PLXNA4: variants seen among roughly 807,000 people sequenced by gnomAD.
PLXNA4 encodes the protein plexin-A4.
Under a neutral mutation model 191.8 loss-of-function variants are expected in PLXNA4, and 44 were observed. The observed-to-expected ratio is 0.23, with a 90% CI of 0.18 to 0.29. PLXNA4 has a LOEUF of 0.29. PLXNA4 is among the 10% of genes least tolerant of loss of function. The pLI is 1.00. For synonymous variants in PLXNA4, 1,082 were observed against 1,009.5 expected, an observed-to-expected ratio of 1.07 and a Z score of -1.36; for missense variants, 1,800 against 2,488.8, an observed-to-expected ratio of 0.72 and a Z score of 5.89.
intron 4 of PLXNA4, among the ~76,000 whole-genome samples, chr7:132,288,752 G>GC (rs1386837290): frequency 6.6e-6 from 1 of 152,170 alleles, no homozygotes; most frequent in Non-Finnish European, 1.5e-5. Context: ...CATGAGACAT[G>GC]CCCACAGACA....
intron 10 of PLXNA4, among the ~76,000 whole-genome samples, chr7:132,205,494 T>C (rs1797586296): frequency 6.6e-6 from 1 of 152,050 alleles, no homozygotes; most frequent in Non-Finnish European, 1.5e-5. Flanking sequence ...TCCTTGTGTG[T>C]GTTTGTGTGT....
chr7:132,507,695 G>T lies in PLXNA4; in HGVS notation c.999C>A (p.Asp333Glu), dbSNP rs1168273467. The T allele has an allele frequency of 1.2e-6, 2 of 1,614,172 alleles. No homozygotes were observed. Among genetic ancestry groups the T allele is most frequent in the South Asian group, 1.1e-5 (1 of 91,084 alleles). The change falls in exon 2 of 32, where the codon GAC becomes GAA. Residue 333 changes from aspartate to glutamate, a missense_variant. By Grantham distance (45) the Asp-to-Glu change is conservative. Coordinates refer to ENST00000321063, the MANE Select transcript of PLXNA4 (RefSeq NM_020911.2). ...CCTTGGAGAAGACGGTGAAGAGCAG[G>T]TCATCATCTGGATGGACTCCAAGGG... ...GRTLGVHPDD[D>E]LLFTVFSKGQ...
At chr7:132,564,104 TCCTTCTCC>T (rs1801583540) in intron 1 of PLXNA4, among the ~76,000 whole-genome samples, 1 of 129,630 alleles carries the variant, frequency 7.7e-6, no homozygotes, top group African/African-American at 3.1e-5. Flanking sequence ...CTCCTCCTCC[TCCTTCTCC>T]TCCTCCTCTT....
At chr7:132,419,160 C>A (rs1016686512) in intron 3 of PLXNA4, among the ~76,000 whole-genome samples, 1 of 152,152 alleles carries the variant, frequency 6.6e-6, no homozygotes, top group Non-Finnish European at 1.5e-5. Context: ...AAAATGGAAA[C>A]CTTCCTCTTT....
chr7:132,169,796 T>G lies in PLXNA4; in HGVS notation c.4018-1224A>C, dbSNP rs960581745. ...ATGGGCATGTTCACTTGGGGAAAAG[T>G]CATCGAGCTGCACGCTGACAATTTG... is the stretch of plus-strand genomic sequence containing the variant. On this transcript the variant is annotated intron_variant, in intron 21 of 31. Transcript: ENST00000321063. Among the ~76,000 whole-genome samples, 4 of 151,966 alleles carry G rather than the reference T, an allele frequency of 2.6e-5. No homozygotes were observed. The East Asian group carries it at 7.8e-4, about 29-fold the overall frequency.
intron 14 of PLXNA4, among the ~76,000 whole-genome samples, chr7:132,192,474 A>G (rs1410667625): frequency 2.0e-5 from 3 of 150,636 alleles, no homozygotes; most frequent in Non-Finnish European, 4.4e-5. Flanking sequence ...GGAAGAAAGG[A>G]AGGGAGGGAG....
At chr7:132,495,289 T>A (rs12334013) in intron 2 of PLXNA4, among the ~76,000 whole-genome samples, 1,643 of 152,306 alleles carry the variant, frequency 0.011, 29 homozygotes, top group African/African-American at 0.038. Context: ...CAGAGCTCAA[T>A]GGCCCAAATG....
At chr7:132,144,074 C>T (rs2598197) in intron 29 of PLXNA4, among the ~76,000 whole-genome samples, 3 of 152,094 alleles carry the variant, frequency 2.0e-5, no homozygotes, top group East Asian at 3.9e-4. Flanking sequence ...CAGGGTGCTT[C>T]GCTGAGCCCT....
intron 1 of PLXNA4, among the ~76,000 whole-genome samples, chr7:132,646,804 C>T (rs908174621): frequency 1.3e-5 from 2 of 152,152 alleles, no homozygotes; most frequent in Admixed American, 1.3e-4. Context: ...TCCCAAGCCA[C>T]TGCCAGTTCC....
rs544162245 is a variant in PLXNA4, at chr7:132,364,217, C to G, written c.1372-65995G>C. On this transcript the variant is annotated intron_variant, in intron 3 of 31. Transcript: ENST00000321063. ...AATGGGCAGACATGGTGGGAGGAAG[C>G]CATTCACATTTTGGTTATGACATAC... Among the ~76,000 whole-genome samples, 15 of 152,308 alleles carry G rather than the reference C, an allele frequency of 9.8e-5. No individual in the cohort carries two copies. The South Asian group carries it at 1.7e-3, about 17-fold the overall frequency.
At chr7:132,192,732 G>A (rs1028197578) in intron 14 of PLXNA4, among the ~76,000 whole-genome samples, 1 of 152,148 alleles carries the variant, frequency 6.6e-6, no homozygotes, top group African/African-American at 2.4e-5. Flanking sequence ...AATCTGAGAG[G>A]TTTAGTTTTT....
intron 3 of PLXNA4, among the ~76,000 whole-genome samples, chr7:132,374,653 C>G (rs1266864986): frequency 6.6e-6 from 1 of 152,144 alleles, no homozygotes; most frequent in Non-Finnish European, 1.5e-5. Context: ...CTTGTTGAAC[C>G]CTCGAATGCT....
chr7:132,445,659 C>T (rs1795879696), intron 3 of PLXNA4, among the ~76,000 whole-genome samples: 1 of 152,110 alleles, frequency 6.6e-6, no homozygotes. Flanking sequence ...GGCTTCATTC[C>T]ACAACCAGAC....
chr7:132,630,762 C>T (rs543880039), intron 2 of PLXNA4, among the ~76,000 whole-genome samples: 1 of 152,312 alleles, frequency 6.6e-6, no homozygotes, highest in South Asian at 2.1e-4. Flanking sequence ...CCGCCCACCT[C>T]GGCCTCCCAA....
chr7:132,638,631 G>A (rs867096028), intron 2 of PLXNA4, among the ~76,000 whole-genome samples: 1 of 152,000 alleles, frequency 6.6e-6, no homozygotes, highest in African/African-American at 2.4e-5. Context: ...CAGCCTGGGT[G>A]ACAGAGCAAG....
chr7:132,286,370 A>G (rs1800682802), intron 4 of PLXNA4, among the ~76,000 whole-genome samples: 1 of 152,174 alleles, frequency 6.6e-6, no homozygotes, highest in Non-Finnish European at 1.5e-5. Context: ...GGATGATTAT[A>G]GGTGGTTGTC....
In PLXNA4 at chr7:132,456,097, G is replaced by A. The variant is rs115974176; in HGVS notation, c.1371+33195C>T. On this transcript the variant is annotated intron_variant, in intron 3 of 31. Transcript: ENST00000321063. ...TGGACATGTTTGGGGGTCCCTCTTCGCATCTCCTCTGTTCTTTTTTTTTTT... is the reference window on the plus strand; with the variant it reads ...TGGACATGTTTGGGGGTCCCTCTTCACATCTCCTCTGTTCTTTTTTTTTTT... Among the ~76,000 whole-genome samples, 754 of 150,536 alleles carry A rather than the reference G, an allele frequency of 5.0e-3. 8 individuals are homozygous for A. The highest frequency in any genetic ancestry group is 0.018 in the African/African-American group (716 of 40,594).
chr7:132,333,929 C>T (rs190116110), intron 3 of PLXNA4, among the ~76,000 whole-genome samples: 10 of 152,296 alleles, frequency 6.6e-5, no homozygotes, highest in South Asian at 2.1e-4. Context: ...CCTTCCTCTC[C>T]GGGGTCCTGG....
chr7:132,151,084 T>G (rs755862453), intron 25 of PLXNA4, among the ~76,000 whole-genome samples: 4 of 152,196 alleles, frequency 2.6e-5, no homozygotes, highest in South Asian at 2.1e-4. Context: ...ACACTTAGCT[T>G]GCTTTTAGAT....
Sources: allele counts gnomAD v4.1 joint callset (sites outside exome capture counted in the v4.1 genomes callset), GRCh38; gene constraint gnomAD v4.1.1; transcripts MANE v1.5; gene names NCBI Gene and HGNC (gene_info 2026-07-23, HGNC 2026-07-21).